The following GUCY2C variants were observed in gnomAD, a reference collection of about 807,000 sequenced individuals.
GUCY2C encodes the protein guanylate cyclase 2C.
GUCY2C carries 118 observed loss-of-function variants against 131.1 expected under a neutral mutation model. The ratio of observed to expected loss-of-function variants is 0.90; its 90% CI spans 0.78 to 1.05. The LOEUF is 1.05. Among genes scored for constraint, GUCY2C ranks in the 50% least tolerant of loss-of-function variants. The pLI is 0.00. For synonymous variants in GUCY2C, 452 were observed against 457.8 expected, an observed-to-expected ratio of 0.99 and a Z score of 0.16; for missense variants, 1,161 against 1,304.4, an observed-to-expected ratio of 0.89 and a Z score of 1.69.
chr12:14,641,551 G>A (rs915059616), intron 17 of GUCY2C, among the ~76,000 whole-genome samples: 1 of 152,164 alleles, frequency 6.6e-6, no homozygotes, highest in Non-Finnish European at 1.5e-5. Context: ...TAAATGCTCA[G>A]TAAATATATG....
chr12:14,664,617 C>T (rs1263308527), intron 10 of GUCY2C, among the ~76,000 whole-genome samples: 1 of 152,110 alleles, frequency 6.6e-6, no homozygotes, highest in Non-Finnish European at 1.5e-5. Flanking sequence ...CTTCTGCTGC[C>T]TTCTGGTGGC....
chr12:14,676,904 A>T lies in GUCY2C; in HGVS notation c.898T>A (p.Ser300Thr). The T allele has an allele frequency of 6.4e-7, 1 of 1,573,230 alleles. No individual in the cohort carries two copies. Among genetic ancestry groups the T allele is most frequent in the Non-Finnish European group, 8.7e-7 (1 of 1,151,398 alleles). Residue 300 changes from serine to threonine, a missense_variant, in exon 7 of 27, where the codon TCT becomes ACT. By Grantham distance (58) the Ser-to-Thr change is moderately conservative. Coordinates refer to ENST00000261170, the MANE Select transcript of GUCY2C (RefSeq NM_004963.4). ...CTATTTAGAAGGGAATTCCCAGGAG[A>T]CAGCGTCAGAACAAGGACATTTTTC... ...YMKNVLVLTL[S>T]PGNSLLNSSF...
At position 14,656,624 on chromosome 12, in the gene GUCY2C, A is replaced by G; in HGVS notation, c.1365-7T>C. ...ATAATCTTTTCTATATTTTCTGTGA[A>G]AGGAATAAAACTGGTCAATAGGTTT... On this transcript the variant is annotated splice_polypyrimidine_tract_variant and splice_region_variant and intron_variant, in intron 11 of 26. Transcript: ENST00000261170. 7.2e-7 allele frequency: 1 copy of G among 1,392,052 alleles called. No homozygotes were observed. Among genetic ancestry groups the G allele is most frequent in the Non-Finnish European group, 1.0e-6 (1 of 977,928 alleles). The allele number at this position is 1,392,052 out of a possible 1,614,324, so 86.2% of individuals were successfully genotyped here. A position where few individuals can be genotyped will look rare whatever the true frequency, so the allele number is the denominator to read the frequency against.
chr12:14,656,410 G>A (rs1947764058), intron 12 of GUCY2C, 102 bp downstream of exon 12: 5 of 658,952 alleles, frequency 7.6e-6, no homozygotes, highest in Admixed American at 6.7e-5. Context: ...TTGCTTTCTA[G>A]AACAACTATC....
In GUCY2C at chr12:14,652,085, C is replaced by T. The variant is rs146202394; in HGVS notation, c.1534-55G>A. Reference sequence around the variant, plus strand: ...GTGTTGTGGTGTAACTCTTTACATGCATATTATAACAGTTTGTTTGTGTGT... The same window carrying T: ...GTGTTGTGGTGTAACTCTTTACATGTATATTATAACAGTTTGTTTGTGTGT... On this transcript the variant is annotated intron_variant, in intron 13 of 26. Coordinates refer to ENST00000261170, the MANE Select transcript of GUCY2C (RefSeq NM_004963.4). 2.9e-4 allele frequency: 266 copies of T among 916,132 alleles called. 2 individuals are homozygous for T. The highest frequency in any genetic ancestry group is 2.9e-4 in the Middle Eastern group (1 of 3,410). 56.8% of individuals were successfully genotyped at this position (916,132 alleles called of 1,614,324 possible).
At chr12:14,654,653 C>T (rs188348014) in intron 12 of GUCY2C, among the ~76,000 whole-genome samples, 24 of 152,158 alleles carry the variant, frequency 1.6e-4, no homozygotes, top group African/African-American at 4.1e-4. Flanking sequence ...AGAAAACATA[C>T]GGTGACACAT....
In GUCY2C at chr12:14,651,442, C is replaced by G; in HGVS notation, c.1675G>C (p.Gly559Arg). The change falls in exon 15 of 27, where the codon GGG (glycine) becomes CGG (arginine). Residue 559 changes from glycine to arginine, a missense_variant. Transcript: ENST00000261170. ...GTVKLDTMIF[G>R]VIEYCERGSL... ...CCTCTCTCACAGTATTCTATCACCC[C>G]GAAGATCATGGTATCAAGTTTCACT... 6.2e-7 allele frequency: 1 copy of G among 1,602,612 alleles called. No homozygotes were observed. The highest frequency in any genetic ancestry group is 8.5e-7 in the Non-Finnish European group (1 of 1,169,652).
chr12:14,672,082 G>GAAA (rs11385690), intron 9 of GUCY2C, among the ~76,000 whole-genome samples: 127 of 151,282 alleles, frequency 8.4e-4, no homozygotes, highest in Non-Finnish European at 1.5e-3. Flanking sequence ...ATTGGAAAAT[G>GAAA]AAAAAAAAAT....
chr12:14,659,810 C>A (rs1947831442), intron 11 of GUCY2C, among the ~76,000 whole-genome samples: 1 of 152,212 alleles, frequency 6.6e-6, no homozygotes. Context: ...TACCACCTGT[C>A]TGCCAGGCCC....
At position 14,637,129 on chromosome 12, in the gene GUCY2C, TA is replaced by T. The variant is rs1947286777; in HGVS notation, c.2157+2732del. On this transcript the variant is annotated intron_variant, in intron 19 of 26. Transcript: ENST00000261170. The stretch of plus-strand genomic sequence containing the variant: ...AACATACAAAAATCGGTAGTGTTTT[TA>T]TATACCACCAATAATAAACTCAGCA... 3.4e-5 allele frequency among the ~76,000 whole-genome samples: 5 copies of T among 146,646 alleles called. No individual in the cohort carries two copies. In the South Asian group the frequency reaches 1.1e-3, roughly 32 times the overall value.
At chr12:14,637,748 C>G (rs146139577) in intron 19 of GUCY2C, among the ~76,000 whole-genome samples, 1 of 152,084 alleles carries the variant, frequency 6.6e-6, no homozygotes, top group Admixed American at 6.6e-5. Flanking sequence ...AAGACTTAAA[C>G]AGAGGACCTG....
intron 23 of GUCY2C, 125 bp from the exon 24 acceptor site, chr12:14,619,434 A>G (rs1946846917): frequency 1.6e-6 from 1 of 620,332 alleles, no homozygotes; most frequent in African/African-American, 1.8e-5. Context: ...GTAGCTGAGG[A>G]TGTGAAATGT....
intron 5 of GUCY2C, among the ~76,000 whole-genome samples, chr12:14,680,259 T>C (rs1307548595): frequency 6.6e-6 from 1 of 152,198 alleles, no homozygotes; most frequent in East Asian, 1.9e-4. Context: ...AACTTCATCT[T>C]AGTAACTCCA....
chr12:14,682,975 T>G (rs1948378565), intron 4 of GUCY2C, 67 bp downstream of exon 4: 3 of 1,006,638 alleles, frequency 3.0e-6, no homozygotes, highest in Non-Finnish European at 4.7e-6. Flanking sequence ...AATAACTAGG[T>G]GGCCTGCATG....
chr12:14,613,236 G>A lies in GUCY2C; in HGVS notation c.3103C>T (p.Gln1035Ter). The A allele has an allele frequency of 6.2e-7, 1 of 1,613,320 alleles. No individual in the cohort carries two copies. The highest frequency in any genetic ancestry group is 8.5e-7 in the Non-Finnish European group (1 of 1,179,416). Residue 1035 changes from glutamine (Q) to a stop codon, truncating the protein, a stop_gained, in exon 27 of 27, where the codon CAG (glutamine) becomes TAG (stop). Transcript: ENST00000261170. LOFTEE classifies it high-confidence loss of function. The surrounding 1 kb of genome is among the most constrained non-coding windows in gnomAD (Gnocchi z 4.9). ...CTTATCCCTGCTGCCTGTCTTTTCT[G>A]TAAAGAGTTGGCAATCATGTCTGAA... Reference protein sequence around the residue: ...EFSDMIANSLQKRQAAGIRSQ... With the variant: ...EFSDMIANSL
intron 14 of GUCY2C, 21 bp downstream of exon 14, chr12:14,651,938 T>C: frequency 7.4e-7 from 1 of 1,357,646 alleles, no homozygotes; most frequent in Non-Finnish European, 1.1e-6. Flanking sequence ...TTCTCAAGGG[T>C]TTGAAGTAAG....
chr12:14,634,597 G>A (rs1947220862), intron 19 of GUCY2C, among the ~76,000 whole-genome samples: 1 of 152,106 alleles, frequency 6.6e-6, no homozygotes, highest in South Asian at 2.1e-4. Context: ...CAAATGAAAG[G>A]AATAAGCCCT....
intron 22 of GUCY2C, 39 bp from the exon 23 acceptor site, chr12:14,621,255 GA>G: frequency 6.5e-7 from 1 of 1,529,572 alleles, no homozygotes; most frequent in South Asian, 1.1e-5. Flanking sequence ...CTGCCCCTTT[GA>G]AAAGTATAGA....
chr12:14,679,901 T>C (rs1302149063), intron 5 of GUCY2C, 148 bp from the exon 6 acceptor site: 7 of 558,066 alleles, frequency 1.3e-5, no homozygotes, highest in Non-Finnish European at 2.2e-5. Context: ...CCTTCCTTTT[T>C]TTTTTTCATT....
Sources: gnomAD v4.1 joint callset for allele counts (sites outside exome capture counted in the v4.1 genomes callset) on GRCh38, gnomAD v4.1.1 for gene constraint, Gnocchi (gnomAD v3.1) non-coding constraint, MANE v1.5 for transcripts, NCBI Gene and HGNC (gene_info 2026-07-23, HGNC 2026-07-21) for gene names.